Variants in OR51B5 observed in about 807,000 individuals in gnomAD.
OR51B5 encodes the protein olfactory receptor family 51 subfamily B member 5, also known as olfactory receptor 51B5.
For synonymous variants in OR51B5, 186 were observed against 144.8 expected (o/e 1.28, Z -2.04); for missense variants, 456 against 374.6 (o/e 1.22, Z -1.79).
chr11:5,466,811 T>G (rs533286701), intron 1 of OR51B5, among the ~76,000 whole-genome samples: 1 of 152,224 alleles, frequency 6.6e-6, no homozygotes, highest in Admixed American at 6.5e-5. Context: ...CACTTCTGTG[T>G]GTCAGAGCGA....
At chr11:5,410,993 A>T (rs1202306993) in intron 1 of OR51B5, among the ~76,000 whole-genome samples, 4 of 152,238 alleles carry the variant, frequency 2.6e-5, no homozygotes, top group African/African-American at 9.6e-5. Flanking sequence ...TAGAAAAGAT[A>T]CAGTAAGCTA....
At chr11:5,385,507 T>C (rs975813326) in intron 1 of OR51B5, 3 of 151,794 alleles carry the variant, frequency 2.0e-5, no homozygotes, top group Non-Finnish European at 2.9e-5. Context: ...CAAAAAAATA[T>C]ATATATAGTG....
chr11:5,440,786 G>T (rs950041185), intron 1 of OR51B5: 4 of 1,613,954 alleles, frequency 2.5e-6, no homozygotes, highest in Non-Finnish European at 3.4e-6. Context: ...TGTGTGACAT[G>T]CAGGTGTTGA....
At chr11:5,477,121 T>C (rs544905157) in intron 1 of OR51B5, among the ~76,000 whole-genome samples, 61 of 152,342 alleles carry the variant, frequency 4.0e-4, no homozygotes, top group African/African-American at 1.4e-3. Flanking sequence ...TATATGTTTA[T>C]GATATGGATT....
chr11:5,351,083 C>A (rs575129913), intron 1 of OR51B5, among the ~76,000 whole-genome samples: 19 of 152,216 alleles, frequency 1.2e-4, no homozygotes, highest in Admixed American at 9.8e-4. Flanking sequence ...CCTGGGAAAC[C>A]TTTACATCCA....
chr11:5,434,539 C>T (rs2133771099), intron 1 of OR51B5, among the ~76,000 whole-genome samples: 1 of 152,224 alleles, frequency 6.6e-6, no homozygotes, highest in East Asian at 1.9e-4. Flanking sequence ...GTCTAATTAT[C>T]TCTCCTGAAG....
upstream of OR51B5, among the ~76,000 whole-genome samples, chr11:5,344,402 T>TTCTC (rs1410411282): frequency 1.3e-5 from 2 of 152,102 alleles, no homozygotes; most frequent in Non-Finnish European, 2.9e-5. Flanking sequence ...CCTCTCTCAT[T>TTCTC]TCAAGTTCTC....
intron 1 of OR51B5, among the ~76,000 whole-genome samples, chr11:5,479,001 A>C (rs975272579): frequency 3.9e-5 from 6 of 152,132 alleles, no homozygotes; most frequent in Non-Finnish European, 8.8e-5. Context: ...GATTCAGGAA[A>C]TACAGAGAAC....
chr11:5,356,712 AG>A lies in OR51B5; in HGVS notation n.85-9803del, dbSNP rs1849200289. 2.4e-5 allele frequency among the ~76,000 whole-genome samples: 3 copies of A among 124,886 alleles called. 1 individual carries two copies. The highest frequency in any genetic ancestry group is 8.9e-5 in the African/African-American group (3 of 33,730). 81.9% of individuals were successfully genotyped at this position (124,886 alleles called of 152,430 possible). ...AGTTGAAATGAAGGGAAAAATGTTA[AG>A]GGTAGCCAGAGAGAAAGGTCGGGTT... On this transcript the variant is annotated intron_variant and non_coding_transcript_variant, in intron 1 of 4. Coordinates refer to the OR51B5 transcript ENST00000415970.
chr11:5,422,387 C>T (rs777903991), intron 1 of OR51B5: 1 of 1,614,102 alleles, frequency 6.2e-7, no homozygotes, highest in African/African-American at 1.3e-5. Flanking sequence ...GCGCATGTAT[C>T]TGTTTCTCTC....
chr11:5,502,359 T>G (rs181330203), intron 1 of OR51B5, among the ~76,000 whole-genome samples: 2 of 152,182 alleles, frequency 1.3e-5, no homozygotes, highest in African/African-American at 4.8e-5. Context: ...TTTCCATGAA[T>G]GTATCGAGCT....
intron 1 of OR51B5, among the ~76,000 whole-genome samples, chr11:5,476,112 T>C (rs928234237): frequency 2.0e-5 from 3 of 152,360 alleles, no homozygotes; most frequent in African/African-American, 7.2e-5. Flanking sequence ...TTTAGCTCTA[T>C]AGGCTGTGTT....
intron 1 of OR51B5, chr11:5,354,658 C>G (rs1473916661): frequency 6.2e-6 from 1 of 161,900 alleles, no homozygotes; most frequent in Non-Finnish European, 1.3e-5. Flanking sequence ...CCACACTGAG[C>G]GCTCAGCTCC....
chr11:5,359,290 C>G lies in OR51B5; in HGVS notation n.85-12380G>C, dbSNP rs187067865. ...TCCTTAAACTGATAGGCAACTTCAG[C>G]AAAGTCTCAGGATACAAAATCAATG... is the stretch of plus-strand genomic sequence containing the variant. On this transcript the variant is annotated intron_variant and non_coding_transcript_variant, in intron 1 of 4. Transcript: ENST00000415970. Among the ~76,000 whole-genome samples the G allele has an allele frequency of 3.9e-3, 576 of 149,278 alleles. 2 individuals carry two copies. The highest frequency in any genetic ancestry group is 7.9e-3 in the Admixed American group (118 of 14,896).
intron 1 of OR51B5, among the ~76,000 whole-genome samples, chr11:5,357,317 G>A (rs1482063501): frequency 6.6e-6 from 1 of 151,512 alleles, no homozygotes; most frequent in East Asian, 1.9e-4. Flanking sequence ...AAAGGCAGGG[G>A]TTGCAATCCT....
chr11:5,389,042 A>G (rs998846795), intron 1 of OR51B5, among the ~76,000 whole-genome samples: 3 of 152,204 alleles, frequency 2.0e-5, no homozygotes, highest in African/African-American at 7.2e-5. Context: ...TTATTTATCA[A>G]TATATGGATG....
chr11:5,448,953 C>T (rs1217462974), intron 1 of OR51B5, among the ~76,000 whole-genome samples: 1 of 152,208 alleles, frequency 6.6e-6, no homozygotes, highest in Admixed American at 6.5e-5. Context: ...GAACCAGCCC[C>T]ACTCAATATA....
rs143561622 is a variant in OR51B5, at chr11:5,375,587, A to T, written n.85-28677T>A. 2.9e-3 allele frequency among the ~76,000 whole-genome samples: 444 copies of T among 152,334 alleles called. 1 individual carries two copies. The highest frequency in any genetic ancestry group is 0.01 in the African/African-American group (420 of 41,568). On this transcript the variant is annotated intron_variant and non_coding_transcript_variant, in intron 1 of 4. Coordinates refer to the OR51B5 transcript ENST00000415970. ...ACCCATCTCATGTGCACACACACAC[A>T]TAGGCTCAAAATAAAAGGATGGAGG...
At chr11:5,478,030 G>T (rs1851343852) in intron 1 of OR51B5, among the ~76,000 whole-genome samples, 1 of 151,916 alleles carries the variant, frequency 6.6e-6, no homozygotes, top group Middle Eastern at 3.2e-3. Context: ...AGGCCTGCCT[G>T]CCTCTGTAGG....
Sources: gnomAD v4.1 joint callset for allele counts (sites outside exome capture counted in the v4.1 genomes callset) on GRCh38, gnomAD v4.1.1 for gene constraint, MANE v1.5 for transcripts, NCBI Gene and HGNC (gene_info 2026-07-23, HGNC 2026-07-21) for gene names.